Variants in DPY30 observed in about 807,000 individuals in gnomAD.
The protein encoded by DPY30 is dpy-30 histone methyltransferase complex regulatory subunit.
In DPY30, 6 loss-of-function variants were observed where a neutral mutation model predicts 16.2. The observed-to-expected ratio is 0.37, with a 90% CI of 0.20 to 0.73. The LOEUF is 0.73. Ranked by LOEUF, DPY30 falls within the 30% of genes least tolerant of loss-of-function variation. DPY30 has a pLI of 0.51. For synonymous variants in DPY30, 39 were observed against 38.8 expected (o/e 1.00, Z -0.02); for missense variants, 73 against 113.1 (o/e 0.65, Z 1.61).
intron 4 of DPY30, among the ~76,000 whole-genome samples, chr2:32,027,148 C>T (rs1184662427): frequency 6.6e-6 from 1 of 150,766 alleles, no homozygotes; most frequent in East Asian, 1.9e-4. Flanking sequence ...TGGTGGCACA[C>T]ACCTGTGGTC....
downstream of DPY30, among the ~76,000 whole-genome samples, chr2:32,021,979 G>A: frequency 6.6e-6 from 1 of 151,964 alleles, no homozygotes; most frequent in Admixed American, 6.6e-5. Flanking sequence ...GGAGGCTGAG[G>A]TGGGCAGATC....
chr2:32,028,438 A>G (rs1675414072), intron 4 of DPY30, among the ~76,000 whole-genome samples: 1 of 152,244 alleles, frequency 6.6e-6, no homozygotes, highest in Non-Finnish European at 1.5e-5. Flanking sequence ...TGCTTACACA[A>G]AAAAGAATTT....
downstream of DPY30, among the ~76,000 whole-genome samples, chr2:32,021,495 T>C (rs903364474): frequency 1.2e-4 from 18 of 151,752 alleles, no homozygotes; most frequent in African/African-American, 4.1e-4. Flanking sequence ...CTGGCCAACA[T>C]GGTAAAACCC....
intron 3 of DPY30, among the ~76,000 whole-genome samples, chr2:32,033,627 G>A (rs1267915932): frequency 3.9e-5 from 6 of 152,236 alleles, no homozygotes; most frequent in Admixed American, 2.0e-4. Flanking sequence ...AGCCGAGATC[G>A]CGCCACAGCA....
At chr2:32,037,129 G>A (rs977971504) in intron 3 of DPY30, among the ~76,000 whole-genome samples, 6 of 152,214 alleles carry the variant, frequency 3.9e-5, no homozygotes, top group South Asian at 2.1e-4. Context: ...TCTTACCAGC[G>A]GATGTGAACT....
chr2:32,024,275 C>G lies in DPY30; in HGVS notation c.228-19G>C, dbSNP rs1032600720. 1.3e-6 allele frequency: 2 copies of G among 1,542,516 alleles called. No individual in the cohort carries two copies. The highest frequency in any genetic ancestry group is 1.8e-6 in the Non-Finnish European group (2 of 1,119,444). On this transcript the variant is annotated intron_variant, in intron 4 of 4. Coordinates refer to ENST00000342166, the MANE Select transcript of DPY30 (RefSeq NM_001321209.2). Reference sequence around the variant, plus strand: ...TGGTGGTCTGTAAGGGAAAAGAAATCCAAAGTTTAGAAATATATTTCCTAG... The same window carrying G: ...TGGTGGTCTGTAAGGGAAAAGAAATGCAAAGTTTAGAAATATATTTCCTAG...
intron 5 of DPY30, among the ~76,000 whole-genome samples, chr2:32,017,831 C>G (rs1360233724): frequency 1.3e-5 from 2 of 152,160 alleles, no homozygotes; most frequent in Admixed American, 6.6e-5. Flanking sequence ...GTGTTCCCCC[C>G]AAATTCATAT....
chr2:32,031,492 G>C (rs1371524850), intron 3 of DPY30, among the ~76,000 whole-genome samples: 2 of 152,070 alleles, frequency 1.3e-5, no homozygotes, highest in African/African-American at 4.8e-5. Context: ...AGCTACTTAA[G>C]AAGCTGAAAC....
intron 3 of DPY30, among the ~76,000 whole-genome samples, chr2:32,033,012 C>CTT (rs1280823913): frequency 3.7e-4 from 54 of 147,132 alleles, no homozygotes; most frequent in African/African-American, 1.3e-3. Flanking sequence ...ATAATAATAA[C>CTT]TTTTTTTTTA....
chr2:32,018,699 G>C (rs1481605480), intron 5 of DPY30, among the ~76,000 whole-genome samples: 1 of 151,556 alleles, frequency 6.6e-6, no homozygotes, highest in African/African-American at 2.4e-5. Context: ...CAGCATGGGC[G>C]AGAGAGCGAG....
chr2:32,031,812 G>A (rs1185136142), intron 3 of DPY30, among the ~76,000 whole-genome samples: 1 of 151,684 alleles, frequency 6.6e-6, no homozygotes, highest in Non-Finnish European at 1.5e-5. Context: ...AGAATCACTT[G>A]ATTCCAGGAG....
intron 5 of DPY30, among the ~76,000 whole-genome samples, chr2:32,014,612 T>A (rs944376858): frequency 6.6e-5 from 10 of 151,994 alleles, no homozygotes; most frequent in African/African-American, 2.4e-4. Context: ...GCCTCCCGCG[T>A]AGCTGGGACT....
At chr2:32,035,059 A>G (rs1675684705) in intron 3 of DPY30, among the ~76,000 whole-genome samples, 1 of 151,662 alleles carries the variant, frequency 6.6e-6, no homozygotes, top group Non-Finnish European at 1.5e-5. Flanking sequence ...CAGTGAGCCG[A>G]GAGCACGCCA....
At chr2:32,029,760 C>T in intron 3 of DPY30, 24 bp from the exon 4 acceptor site, 1 of 1,611,168 alleles carries the variant, frequency 6.2e-7, no homozygotes, top group Admixed American at 1.7e-5. Context: ...AAAAACAGTG[C>T]ATGAACATTT....
At chr2:32,036,184 C>T (rs992176479) in intron 3 of DPY30, among the ~76,000 whole-genome samples, 1 of 151,688 alleles carries the variant, frequency 6.6e-6, no homozygotes, top group African/African-American at 2.4e-5. Context: ...CACTATGTTG[C>T]CCAGGCTGGT....
chr2:32,023,957 A>C lies in DPY30; in HGVS notation c.*227T>G. ...TCATTTTAAAAACAAAGTTAAAGACAATCTGAGAAAAAAATTGCACAGAAT... is the reference window on the plus strand; with the variant it reads ...TCATTTTAAAAACAAAGTTAAAGACCATCTGAGAAAAAAATTGCACAGAAT... On this transcript the variant is annotated 3_prime_UTR_variant, in exon 5 of 5. Transcript: ENST00000342166. 7.1e-7 allele frequency: 1 copy of C among 1,405,012 alleles called. No individual in the cohort carries two copies. The highest frequency in any genetic ancestry group is 9.3e-7 in the Non-Finnish European group (1 of 1,080,408). The allele number at this position is 1,405,012 out of a possible 1,614,324, so 87.0% of individuals were successfully genotyped here.
intron 4 of DPY30, among the ~76,000 whole-genome samples, chr2:32,027,048 G>GT (rs1675358756): frequency 6.6e-6 from 1 of 151,014 alleles, no homozygotes; most frequent in African/African-American, 2.4e-5. Context: ...GGCCAATGAG[G>GT]GCAGACCACC....
chr2:32,039,830 C>G (rs1420422962), upstream of DPY30: 2 of 312,870 alleles, frequency 6.4e-6, no homozygotes, highest in East Asian at 1.3e-4. Flanking sequence ...GCACGACTGC[C>G]GCGCCTGCGC....
intron 1 of DPY30, 100 bp downstream of exon 1, chr2:32,039,633 G>A (rs1379465047): frequency 5.4e-6 from 4 of 737,478 alleles, no homozygotes; most frequent in Non-Finnish European, 6.8e-6. Context: ...CAGCAGAGTG[G>A]GACAGTCCAC....
Sources: allele counts gnomAD v4.1 joint callset (sites outside exome capture counted in the v4.1 genomes callset), GRCh38; gene constraint gnomAD v4.1.1; transcripts MANE v1.5; gene names NCBI Gene and HGNC (gene_info 2026-07-23, HGNC 2026-07-21).